The following SRRM4 variants were observed in gnomAD, a reference collection of about 807,000 sequenced individuals.
The protein encoded by SRRM4 is serine/arginine repetitive matrix 4.
SRRM4 carries 33 observed loss-of-function variants against 68.9 expected under a neutral mutation model. The ratio of observed to expected loss-of-function variants is 0.48; its 90% confidence interval spans 0.36 to 0.64. The LOEUF (loss-of-function observed/expected upper bound fraction) is 0.64, where lower values mean the gene tolerates loss of function less well. SRRM4 is among the 30% of genes least tolerant of loss of function. The pLI is 0.00. For synonymous variants in SRRM4, 318 were observed against 318.8 expected (o/e 1.00, Z 0.03); for missense variants, 817 against 827.1 (o/e 0.99, Z 0.15).
intron 1 of SRRM4, among the ~76,000 whole-genome samples, chr12:119,013,727 T>C (rs769821468): frequency 2.6e-5 from 4 of 152,230 alleles, no homozygotes; most frequent in Non-Finnish European, 5.9e-5. Flanking sequence ...ATTTATTTAA[T>C]CAATATCCTA....
intron 1 of SRRM4, among the ~76,000 whole-genome samples, chr12:119,037,253 C>G (rs1204936185): frequency 6.6e-6 from 1 of 151,954 alleles, no homozygotes; most frequent in Admixed American, 6.6e-5. Context: ...TAAATGACAC[C>G]CAGACTGCAG....
chr12:119,096,711 C>A (rs988261970), intron 1 of SRRM4, among the ~76,000 whole-genome samples: 1 of 152,210 alleles, frequency 6.6e-6, no homozygotes, highest in Non-Finnish European at 1.5e-5. Context: ...CTTCCCGCTC[C>A]ACCATTGTTG....
intron 1 of SRRM4, among the ~76,000 whole-genome samples, chr12:119,041,429 A>T (rs1186363052): frequency 6.6e-6 from 1 of 152,238 alleles, no homozygotes; most frequent in Non-Finnish European, 1.5e-5. Flanking sequence ...TGAGTAGGAA[A>T]GTACTTTTCA....
chr12:118,993,053 T>C (rs1953326708), intron 1 of SRRM4, among the ~76,000 whole-genome samples: 1 of 152,262 alleles, frequency 6.6e-6, no homozygotes, highest in African/African-American at 2.4e-5. Flanking sequence ...CTGTTACTAT[T>C]GATCTTGTTT....
chr12:119,068,448 TC>T (rs1953859070), intron 1 of SRRM4, among the ~76,000 whole-genome samples: 1 of 152,162 alleles, frequency 6.6e-6, no homozygotes, highest in Admixed American at 6.5e-5. Flanking sequence ...TTCTTTCTCC[TC>T]TCTCTCTTTC....
intron 1 of SRRM4, among the ~76,000 whole-genome samples, chr12:119,049,146 A>G (rs889362716): frequency 6.6e-6 from 1 of 152,206 alleles, no homozygotes; most frequent in African/African-American, 2.4e-5. Context: ...AAGGAGAAAA[A>G]TGACACGTGG....
At chr12:119,134,215 TG>T (rs1954314807) in intron 8 of SRRM4, among the ~76,000 whole-genome samples, 1 of 152,030 alleles carries the variant, frequency 6.6e-6, no homozygotes, top group Admixed American at 6.6e-5. Flanking sequence ...ATTTGGGGGT[TG>T]GTTCTTAATG....
At chr12:119,147,030 T>C (rs1199669188) in intron 9 of SRRM4, among the ~76,000 whole-genome samples, 3 of 152,206 alleles carry the variant, frequency 2.0e-5, no homozygotes, top group Non-Finnish European at 4.4e-5. Context: ...AACAGCTTTA[T>C]TTGTAATTGC....
At chr12:118,982,675 T>TTTG (rs1953256360) in intron 1 of SRRM4, among the ~76,000 whole-genome samples, 1 of 94,700 alleles carries the variant, frequency 1.1e-5, no homozygotes, top group South Asian at 3.0e-4. Flanking sequence ...TTTTGTTTTT[T>TTTG]TTTGTTTTTT....
Position 119,120,281 on chromosome 12 carries a change from G to A in SRRM4, c.464+5G>A. ...CTCCAAGAAGAGAAGGCACAGGTAA[G>A]ACTCTTGTTCTCTGACTGCCTGTTC... On this transcript the variant is annotated splice_donor_5th_base_variant and intron_variant, in intron 5 of 12. Coordinates refer to ENST00000267260, the MANE Select transcript of SRRM4 (RefSeq NM_194286.4). 3 of 1,550,312 alleles carry A rather than the reference G, an allele frequency of 1.9e-6. No individual in the cohort carries two copies. Among genetic ancestry groups the A allele is most frequent in the Non-Finnish European group, 2.6e-6 (3 of 1,146,682 alleles).
intron 1 of SRRM4, among the ~76,000 whole-genome samples, chr12:119,037,226 A>G (rs1043883438): frequency 6.6e-6 from 1 of 152,088 alleles, no homozygotes; most frequent in African/African-American, 2.4e-5. Flanking sequence ...GGAGAAAGAG[A>G]GAGAGATTTA....
chr12:119,062,238 G>T (rs183472785), intron 1 of SRRM4, among the ~76,000 whole-genome samples: 1 of 152,302 alleles, frequency 6.6e-6, no homozygotes, highest in Non-Finnish European at 1.5e-5. Flanking sequence ...TCTGTATAGG[G>T]CACTTGCTGG....
intron 9 of SRRM4, among the ~76,000 whole-genome samples, chr12:119,146,518 G>A (rs144214099): frequency 9.2e-5 from 14 of 152,098 alleles, no homozygotes; most frequent in South Asian, 8.3e-4. Flanking sequence ...CCCTGGAGGC[G>A]GAGGTGGCAG....
chr12:119,050,560 G>C (rs1025013543), intron 1 of SRRM4, among the ~76,000 whole-genome samples: 3 of 152,234 alleles, frequency 2.0e-5, no homozygotes, highest in Non-Finnish European at 4.4e-5. Context: ...CAGAGTGTAA[G>C]ACCTTTAGGG....
Position 119,136,760 on chromosome 12 carries a change from G to A in SRRM4, c.771+5926G>A, listed in dbSNP as rs539075082. The stretch of plus-strand genomic sequence containing the variant: ...CCGGTGGGGATTTCTGAGAACAGGT[G>A]GGCAGGGGGTCCTCAGGAGAGGCTT... On this transcript the variant is annotated intron_variant, in intron 8 of 12. Coordinates refer to ENST00000267260, the MANE Select transcript of SRRM4 (RefSeq NM_194286.4). 1.5e-4 allele frequency among the ~76,000 whole-genome samples: 23 copies of A among 152,248 alleles called. No homozygotes were observed. In the South Asian group the frequency reaches 4.4e-3, roughly 29 times the overall value.
Position 119,125,392 on chromosome 12 carries a change from G to T in SRRM4, c.527G>T (p.Arg176Leu). Residue 176 changes from arginine to leucine, a missense_variant, in exon 7 of 13, where the codon CGG (arginine) becomes CTG (leucine). Arg to Leu is a moderately radical substitution (Grantham distance 102). Transcript: ENST00000267260. ...CTCATCCCCCCAAGATCTCGAAGCC[G>T]GCCCCGAAAGTCTCACCGCCACCGC... ...EKRHKKQSRSRPRKSHRHRHH... is the reference protein window; with the variant it reads ...EKRHKKQSRSLPRKSHRHRHH... The T allele has an allele frequency of 1.9e-6, 3 of 1,612,098 alleles. No individual in the cohort carries two copies. Among genetic ancestry groups the T allele is most frequent in the Non-Finnish European group, 2.5e-6 (3 of 1,179,106 alleles).
intron 8 of SRRM4, among the ~76,000 whole-genome samples, chr12:119,136,321 C>A (rs536367195): frequency 6.6e-6 from 1 of 152,282 alleles, no homozygotes; most frequent in East Asian, 1.9e-4. Flanking sequence ...CAGGTGCTTG[C>A]ACATTCTGCA....
chr12:119,093,998 C>G (rs910503732), intron 1 of SRRM4, among the ~76,000 whole-genome samples: 13 of 152,230 alleles, frequency 8.5e-5, no homozygotes, highest in African/African-American at 3.1e-4. Context: ...GGTGCCTGAC[C>G]TGCTTGGCTG....
At chr12:119,095,405 G>A (rs1954037473) in intron 1 of SRRM4, among the ~76,000 whole-genome samples, 1 of 152,172 alleles carries the variant, frequency 6.6e-6, no homozygotes, top group African/African-American at 2.4e-5. Context: ...GGATGCACGG[G>A]TAGAACAAGT....
Sources: gnomAD v4.1 joint callset for allele counts (sites outside exome capture counted in the v4.1 genomes callset) on GRCh38, gnomAD v4.1.1 for gene constraint, MANE v1.5 for transcripts, NCBI Gene and HGNC (gene_info 2026-07-23, HGNC 2026-07-21) for gene names.